Variants in FRMPD3 observed in about 807,000 individuals in gnomAD.
The protein encoded by FRMPD3 is FERM and PDZ domain containing 3.
A neutral mutation model predicts 97.9 loss-of-function variants in FRMPD3; 42 were observed. The ratio of observed to expected loss-of-function variants is 0.43; its 90% CI spans 0.34 to 0.55. The LOEUF (loss-of-function observed/expected upper bound fraction) is 0.55, where lower values mean the gene tolerates loss of function less well. Ranked by LOEUF, FRMPD3 falls within the 20% of genes least tolerant of loss-of-function variation. FRMPD3 has a pLI of 0.03. For synonymous variants in FRMPD3, 577 were observed against 581.1 expected (o/e 0.99, Z 0.10); for missense variants, 1,303 against 1,457.7 (o/e 0.89, Z 1.73).
At chrX:107,485,563 A>AAT (rs1174481489) in intron 1 of FRMPD3, among the ~76,000 whole-genome samples, 1 of 112,617 alleles carries the variant, frequency 8.9e-6, no homozygotes, top group Non-Finnish European at 1.9e-5. Flanking sequence ...TGCTGTGTTC[A>AAT]ATAAGATAGG....
At chrX:107,516,382 T>C (rs1026825830) in intron 1 of FRMPD3, among the ~76,000 whole-genome samples, 2 of 111,412 alleles carry the variant, frequency 1.8e-5, no homozygotes, top group Non-Finnish European at 3.8e-5. Flanking sequence ...ATCCTTTGGG[T>C]ATATACCCAG....
At chrX:107,477,869 C>A (rs985271615) in intron 1 of FRMPD3, among the ~76,000 whole-genome samples, 2 of 111,517 alleles carry the variant, frequency 1.8e-5, no homozygotes, top group Non-Finnish European at 3.8e-5. Flanking sequence ...TCTTTGCCCT[C>A]CACCCCCTAT....
At chrX:107,591,691 C>T (rs1416190787) in intron 13 of FRMPD3, among the ~76,000 whole-genome samples, 1 of 111,340 alleles carries the variant, frequency 9.0e-6, no homozygotes, top group Non-Finnish European at 1.9e-5. Flanking sequence ...TTTTTCTATC[C>T]TCTATGTATT....
At chrX:107,451,909 C>G (rs1000354860) in intron 1 of FRMPD3, among the ~76,000 whole-genome samples, 2 of 111,249 alleles carry the variant, frequency 1.8e-5, no homozygotes, top group African/African-American at 6.5e-5. Context: ...ACGTCAGAGC[C>G]CCTTCCCTGC....
intron 1 of FRMPD3, among the ~76,000 whole-genome samples, chrX:107,522,960 A>G (rs900813942): frequency 9.0e-6 from 1 of 111,070 alleles, no homozygotes; most frequent in Non-Finnish European, 1.9e-5. Context: ...CTGCTTCACA[A>G]TTTTGTTCAG....
chrX:107,568,452 G>A (rs1223999546), intron 12 of FRMPD3, among the ~76,000 whole-genome samples: 2 of 92,518 alleles, frequency 2.2e-5, no homozygotes, highest in African/African-American at 8.2e-5. Context: ...GCTCATGCCT[G>A]TAATCCCAGC....
At position 107,603,247 on chromosome X, in the gene FRMPD3, A is replaced by ACAGCAGCAG; in HGVS notation, c.5221_5229dup (p.Gln1741_Gln1743dup). The ACAGCAGCAG allele has an allele frequency of 1.8e-6, 2 of 1,123,411 alleles. No homozygotes were observed. Among genetic ancestry groups the ACAGCAGCAG allele is most frequent in the Non-Finnish European group, 2.4e-6 (2 of 849,884 alleles). The allele number at this position is 1,123,411 out of a possible 1,213,427, so 92.6% of individuals were successfully genotyped here. A position where few individuals can be genotyped will look rare whatever the true frequency, so the allele number is the denominator to read the frequency against. On this transcript the variant is annotated inframe_insertion, in exon 15 of 15. Coordinates refer to ENST00000683843, the MANE Select transcript of FRMPD3 (RefSeq NM_001388459.1). ...AACAACAACAGCAGCAGCAACAACA[A>ACAGCAGCAG]CAGCAGCAGCAGCAGCAGCAGGTGG...
chrX:107,520,466 CCTGTCTCTA>C (rs1418715830), intron 1 of FRMPD3, among the ~76,000 whole-genome samples: 2 of 107,556 alleles, frequency 1.9e-5, no homozygotes, highest in Non-Finnish European at 3.8e-5. Context: ...ATGGCAAAAC[CCTGTCTCTA>C]CTAAAAATAC....
chrX:107,581,887 C>T (rs886973291), intron 13 of FRMPD3, among the ~76,000 whole-genome samples: 2 of 111,913 alleles, frequency 1.8e-5, no homozygotes, highest in Non-Finnish European at 3.8e-5. Flanking sequence ...TACCACATTC[C>T]TTTATCCATT....
chrX:107,548,849 G>T (rs1684346143), intron 5 of FRMPD3, among the ~76,000 whole-genome samples: 1 of 111,034 alleles, frequency 9.0e-6, no homozygotes, highest in Non-Finnish European at 1.9e-5. Flanking sequence ...GTCTCAAAAA[G>T]AAATCAAAAC....
Position 107,472,539 on chromosome X carries a change from A to G in FRMPD3, c.-8+22534A>G, listed in dbSNP as rs188568706. Among the ~76,000 whole-genome samples the G allele has an allele frequency of 8.1e-5, 9 of 110,861 alleles. No individual in the cohort carries two copies. In the East Asian group the frequency reaches 2.3e-3, roughly 28 times the overall value. On this transcript the variant is annotated intron_variant, in intron 1 of 14. Coordinates refer to ENST00000683843, the MANE Select transcript of FRMPD3 (RefSeq NM_001388459.1). ...CTCCCATAAAAAAAAAAAAAAGAAA[A>G]CCATAATAAGTGTGTGAATCCTTCA...
intron 13 of FRMPD3, among the ~76,000 whole-genome samples, chrX:107,593,017 C>A (rs1227453598): frequency 9.0e-6 from 1 of 110,769 alleles, no homozygotes; most frequent in African/African-American, 3.3e-5. Flanking sequence ...ACCTTGTGAT[C>A]TGCCCACCTC....
At position 107,560,341 on chromosome X, in the gene FRMPD3, A is replaced by G; in HGVS notation, c.847A>G (p.Ile283Val). 1 of 1,209,762 alleles carries G rather than the reference A, an allele frequency of 8.3e-7. No homozygotes were observed. The highest frequency in any genetic ancestry group is 1.1e-6 in the Non-Finnish European group (1 of 895,097). The change falls in exon 9 of 15, where the codon ATC (isoleucine) becomes GTC (valine). Residue 283 changes from isoleucine (I) to valine (V), a missense_variant. Physicochemically the swap from Ile to Val is conservative, Grantham distance 29. Coordinates refer to ENST00000683843, the MANE Select transcript of FRMPD3 (RefSeq NM_001388459.1). ...GGGCCTTGCTGCGCTCCACATCTAT[A>G]TCACTGTCTCAGCCACTCGACCTAG... ...LLGLAALHIY[I>V]TVSATRPSQK...
intron 1 of FRMPD3, among the ~76,000 whole-genome samples, chrX:107,489,716 C>A (rs1288816070): frequency 1.8e-5 from 2 of 111,704 alleles, no homozygotes; most frequent in Non-Finnish European, 3.8e-5. Flanking sequence ...TCTTTGAGTT[C>A]ATTGTAGATT....
intron 1 of FRMPD3, among the ~76,000 whole-genome samples, chrX:107,467,244 G>A (rs190451412): frequency 1.8e-5 from 2 of 110,286 alleles, no homozygotes; most frequent in African/African-American, 6.6e-5. Flanking sequence ...TAGGAAGATG[G>A]AGCAGAATTG....
intron 1 of FRMPD3, among the ~76,000 whole-genome samples, chrX:107,500,805 C>CAA (rs768889360): frequency 0.017 from 590 of 34,451 alleles, 19 homozygotes; most frequent in African/African-American, 0.05. Context: ...AAGACTCTGT[C>CAA]AAAAAAAAAA....
At chrX:107,459,217 G>A (rs1413393953) in intron 1 of FRMPD3, among the ~76,000 whole-genome samples, 1 of 112,568 alleles carries the variant, frequency 8.9e-6, no homozygotes, top group African/African-American at 3.2e-5. Flanking sequence ...CAGGGAGGCC[G>A]GAGGCAGGCG....
intron 12 of FRMPD3, among the ~76,000 whole-genome samples, chrX:107,570,121 CGAGGAAGG>C (rs983592297): frequency 2.5e-5 from 2 of 79,934 alleles, no homozygotes; most frequent in Non-Finnish European, 4.3e-5. Context: ...AAAAAGAGAG[CGAGGAAGG>C]AAGGAAGGAA....
intron 1 of FRMPD3, among the ~76,000 whole-genome samples, chrX:107,513,788 G>C (rs1432812470): frequency 1.8e-5 from 2 of 112,279 alleles, no homozygotes; most frequent in Admixed American, 9.4e-5. Flanking sequence ...TTCATTCATT[G>C]GTTGATTTAA....
Sources: allele counts gnomAD v4.1 joint callset (sites outside exome capture counted in the v4.1 genomes callset), GRCh38; gene constraint gnomAD v4.1.1; transcripts MANE v1.5; gene names NCBI Gene and HGNC (gene_info 2026-07-23, HGNC 2026-07-21).